Variants in GRM5 observed in about 807,000 individuals in gnomAD.
GRM5 encodes metabotropic glutamate receptor 5.
In GRM5, 19 loss-of-function variants were observed where a neutral mutation model predicts 83.1. The observed-to-expected ratio is 0.23, with a 90% CI of 0.16 to 0.34. The LOEUF is 0.34. GRM5 is among the 10% of genes least tolerant of loss of function. The probability of loss-of-function intolerance (pLI) is 1.00; values close to 1 mark genes in which losing one functional copy is unlikely to be tolerated. For synonymous variants in GRM5, 675 were observed against 633.6 expected (o/e 1.07, Z -0.98); for missense variants, 1,160 against 1,588.3 (o/e 0.73, Z 4.58).
intron 8 of GRM5, among the ~76,000 whole-genome samples, chr11:88,556,240 T>C (rs971259884): frequency 2.0e-5 from 3 of 151,868 alleles, no homozygotes; most frequent in African/African-American, 7.3e-5. Flanking sequence ...GTCTATTAGG[T>C]GGGGTCATGA....
At chr11:89,022,367 G>T (rs1941005228) in intron 2 of GRM5, among the ~76,000 whole-genome samples, 1 of 152,034 alleles carries the variant, frequency 6.6e-6, no homozygotes, top group South Asian at 2.1e-4. Flanking sequence ...AATAGGCTGG[G>T]CGCGGTGGCT....
intron 2 of GRM5, among the ~76,000 whole-genome samples, chr11:89,011,421 G>A (rs1219860103): frequency 6.6e-6 from 1 of 152,164 alleles, no homozygotes; most frequent in Non-Finnish European, 1.5e-5. Context: ...TTATAAGGGA[G>A]ACGACATCTT....
In GRM5 at chr11:88,733,725, A is replaced by G. The variant is rs893473743; in HGVS notation, c.912-80322T>C. ...GTCTAGACATTTTCTCTGCTTCTTT[A>G]TGTTATACAATAGCAGATAAACTTC... is the stretch of plus-strand genomic sequence containing the variant. On this transcript the variant is annotated intron_variant, in intron 3 of 9. Transcript: ENST00000305447. 3.3e-5 allele frequency among the ~76,000 whole-genome samples: 5 copies of G among 152,038 alleles called. No homozygotes were observed. In the South Asian group the frequency reaches 1.0e-3, roughly 31 times the overall value.
At chr11:88,812,948 A>T (rs1490020788) in intron 3 of GRM5, among the ~76,000 whole-genome samples, 1 of 152,122 alleles carries the variant, frequency 6.6e-6, no homozygotes, top group Non-Finnish European at 1.5e-5. Context: ...TTCATATTTT[A>T]TAGCTTTTCT....
At chr11:88,667,816 C>G (rs1175826464) in intron 3 of GRM5, among the ~76,000 whole-genome samples, 1 of 151,844 alleles carries the variant, frequency 6.6e-6, no homozygotes, top group Admixed American at 6.6e-5. Context: ...TCGCTTGAAC[C>G]TGGTAGGCGG....
rs1319273528 is a variant in GRM5, at chr11:88,967,252, T to C, written c.661+79960A>G. Among the ~76,000 whole-genome samples, 134 of 16,142 alleles carry C rather than the reference T, an allele frequency of 8.3e-3. 1 individual carries two copies. In the African/African-American group the frequency reaches 0.12, roughly 14 times the overall value. 10.6% of individuals were successfully genotyped at this position (16,142 alleles called of 152,430 possible). ...GTATGTATATATATATATACACATA[T>C]ATATATATATATATATATATATATA... On this transcript the variant is annotated intron_variant, in intron 2 of 9. Coordinates refer to ENST00000305447, the MANE Select transcript of GRM5 (RefSeq NM_001143831.3).
intron 3 of GRM5, among the ~76,000 whole-genome samples, chr11:88,843,901 G>A (rs1944252279): frequency 6.6e-6 from 1 of 152,164 alleles, no homozygotes; most frequent in Admixed American, 6.6e-5. Flanking sequence ...TCCTATAAAG[G>A]CTGAGAGAGG....
At chr11:89,036,462 A>G (rs1256486402) in intron 2 of GRM5, among the ~76,000 whole-genome samples, 1 of 152,112 alleles carries the variant, frequency 6.6e-6, no homozygotes, top group African/African-American at 2.4e-5. Flanking sequence ...GGCCAAGATA[A>G]GGCAAGACAG....
At chr11:88,972,586 T>C (rs1012741425) in intron 2 of GRM5, among the ~76,000 whole-genome samples, 2 of 152,110 alleles carry the variant, frequency 1.3e-5, no homozygotes, top group Admixed American at 6.6e-5. Flanking sequence ...GCCAACTAAT[T>C]AATCTACAAA....
chr11:88,550,786 A>G (rs1427298979), intron 8 of GRM5, among the ~76,000 whole-genome samples: 2 of 152,180 alleles, frequency 1.3e-5, no homozygotes, highest in Non-Finnish European at 2.9e-5. Flanking sequence ...GTCTTTCTCA[A>G]TACTGACATT....
chr11:88,618,020 C>G (rs560365046), intron 4 of GRM5, among the ~76,000 whole-genome samples: 1 of 152,248 alleles, frequency 6.6e-6, no homozygotes, highest in African/African-American at 2.4e-5. Flanking sequence ...GTCAGCATAC[C>G]AACTTTTGAG....
At chr11:88,573,934 G>A (rs1943055393) in intron 7 of GRM5, among the ~76,000 whole-genome samples, 1 of 152,036 alleles carries the variant, frequency 6.6e-6, no homozygotes, top group Non-Finnish European at 1.5e-5. Context: ...TCTTTACTTA[G>A]CCTGAGCTAA....
chr11:89,041,117 G>A (rs906321243), intron 2 of GRM5, among the ~76,000 whole-genome samples: 1 of 152,142 alleles, frequency 6.6e-6, no homozygotes, highest in Non-Finnish European at 1.5e-5. Flanking sequence ...AGTGACCAAG[G>A]GAAAACATGC....
At chr11:88,882,096 C>T (rs1435483779) in intron 2 of GRM5, among the ~76,000 whole-genome samples, 1 of 151,710 alleles carries the variant, frequency 6.6e-6, no homozygotes, top group Admixed American at 6.6e-5. Context: ...ACACAATTAG[C>T]TGGGTGGGGT....
intron 4 of GRM5, among the ~76,000 whole-genome samples, chr11:88,621,474 C>CTT (rs1236281497): frequency 3.3e-5 from 5 of 152,058 alleles, no homozygotes; most frequent in African/African-American, 1.2e-4. Flanking sequence ...AAAAATAATA[C>CTT]TTTCTTTTAG....
At chr11:88,846,463 T>C (rs12807540) in intron 3 of GRM5, among the ~76,000 whole-genome samples, 66,450 of 151,894 alleles carry the variant, frequency 0.44, 14,832 homozygotes, top group African/African-American at 0.5. Context: ...GACCTAGTGG[T>C]GAGGTGTGTA....
intron 1 of GRM5, among the ~76,000 whole-genome samples, chr11:89,054,179 G>A (rs529594521): frequency 6.6e-6 from 1 of 152,154 alleles, no homozygotes; most frequent in Admixed American, 6.6e-5. Context: ...GATGATAGTC[G>A]TTGGATTGGA....
At chr11:88,795,707 T>C (rs1240206936) in intron 3 of GRM5, among the ~76,000 whole-genome samples, 3 of 152,162 alleles carry the variant, frequency 2.0e-5, no homozygotes, top group Non-Finnish European at 4.4e-5. Context: ...AAAGAGGCTG[T>C]ATAATTTGCC....
intron 8 of GRM5, among the ~76,000 whole-genome samples, chr11:88,532,932 C>T (rs770949311): frequency 6.6e-6 from 1 of 152,116 alleles, no homozygotes; most frequent in Admixed American, 6.6e-5. Context: ...GACCATTTCT[C>T]ACCAGTATTT....
Sources: gnomAD v4.1 joint callset for allele counts (sites outside exome capture counted in the v4.1 genomes callset) on GRCh38, gnomAD v4.1.1 for gene constraint, MANE v1.5 for transcripts, NCBI Gene and HGNC (gene_info 2026-07-23, HGNC 2026-07-21) for gene names.